Variants in RABEP1 observed in about 807,000 individuals in gnomAD.
RABEP1 encodes the protein rab GTPase-binding effector protein 1.
Under a neutral mutation model 123.4 loss-of-function variants are expected in RABEP1, and 51 were observed. The observed-to-expected ratio is 0.41, with a 90% CI of 0.33 to 0.52. RABEP1 has a LOEUF of 0.52. RABEP1 is among the 20% of genes least tolerant of loss of function. RABEP1 has a pLI of 0.16. For synonymous variants in RABEP1, 347 were observed against 355.2 expected, an observed-to-expected ratio of 0.98 and a Z score of 0.26; for missense variants, 888 against 996.3, an observed-to-expected ratio of 0.89 and a Z score of 1.46.
chr17:5,367,623 G>C (rs940087588), intron 11 of RABEP1, among the ~76,000 whole-genome samples: 1 of 150,664 alleles, frequency 6.6e-6, no homozygotes, highest in Non-Finnish European at 1.5e-5. Flanking sequence ...TGTATGACTT[G>C]GTGAAAAGAT....
At chr17:5,331,674 C>G (rs1423534184) in intron 2 of RABEP1, among the ~76,000 whole-genome samples, 3 of 152,050 alleles carry the variant, frequency 2.0e-5, no homozygotes, top group Non-Finnish European at 4.4e-5. Context: ...GATGTGGAAA[C>G]TTAGGCCAGA....
chr17:5,361,137 T>G, intron 8 of RABEP1, 71 bp from the exon 9 acceptor site: 1 of 1,313,446 alleles, frequency 7.6e-7, no homozygotes, highest in Non-Finnish European at 1.1e-6. Context: ...GCGGAATACA[T>G]TTATTATAGT....
At chr17:5,367,417 A>C (rs35166593) in intron 11 of RABEP1, among the ~76,000 whole-genome samples, 65 of 150,562 alleles carry the variant, frequency 4.3e-4, no homozygotes, top group South Asian at 8.4e-4. Context: ...GACTACAGGC[A>C]CCCGCCACCA....
intron 6 of RABEP1, among the ~76,000 whole-genome samples, chr17:5,347,610 C>G (rs887173857): frequency 1.3e-5 from 2 of 152,148 alleles, no homozygotes; most frequent in African/African-American, 2.4e-5. Flanking sequence ...AAGTAACACT[C>G]TGTTTTTAAG....
At chr17:5,291,906 A>G (rs763754203) in intron 1 of RABEP1, among the ~76,000 whole-genome samples, 2 of 152,226 alleles carry the variant, frequency 1.3e-5, no homozygotes, top group Non-Finnish European at 2.9e-5. Context: ...CTCTGTCTCA[A>G]AAGTGGTGAT....
chr17:5,303,356 C>T (rs1437141763), intron 1 of RABEP1, among the ~76,000 whole-genome samples: 2 of 152,122 alleles, frequency 1.3e-5, no homozygotes, highest in African/African-American at 4.8e-5. Flanking sequence ...AGTCTTGTGC[C>T]TCAGTCCCCC....
In RABEP1 at chr17:5,342,206, A is replaced by G. The variant is rs931482884; in HGVS notation, c.648+4068A>G. 3.9e-5 allele frequency among the ~76,000 whole-genome samples: 6 copies of G among 152,242 alleles called. No individual in the cohort carries two copies. The East Asian group carries it at 9.6e-4, about 24-fold the overall frequency. On this transcript the variant is annotated intron_variant, in intron 5 of 17. Coordinates refer to ENST00000537505, the MANE Select transcript of RABEP1 (RefSeq NM_004703.6). ...CAGTGGTGGAAAAAAGATTGATCCT[A>G]TTCACAAGAGTAAAAAAAAAGAAAA...
intron 5 of RABEP1, 76 bp downstream of exon 5, chr17:5,338,214 A>T (rs754622029): frequency 2.8e-6 from 4 of 1,448,810 alleles, no homozygotes; most frequent in Non-Finnish European, 2.8e-6. Context: ...TAGAATCAGT[A>T]ATAGGGAAAA....
chr17:5,321,021 C>T (rs1028371129), intron 2 of RABEP1, among the ~76,000 whole-genome samples: 21 of 152,194 alleles, frequency 1.4e-4, no homozygotes, highest in Middle Eastern at 3.2e-3. Flanking sequence ...TACAAGAAAC[C>T]CACTTTGGCT....
chr17:5,346,796 G>A lies in RABEP1; in HGVS notation c.655G>A (p.Glu219Lys), dbSNP rs372923791. Reference protein sequence around the residue: ...IKELEASKVKELNHYLEAEKS... With the variant: ...IKELEASKVKKLNHYLEAEKS... ...GAATTGCATCTTCTTTCAGGTTAAA[G>A]AACTGAATCATTATCTGGAAGCTGA... is the stretch of plus-strand genomic sequence containing the variant. Residue 219 changes from glutamate (E) to lysine (K), a missense_variant, in exon 6 of 18, where the codon GAA becomes AAA. Transcript: ENST00000537505. 1.8e-5 allele frequency: 28 copies of A among 1,568,830 alleles called. 1 individual carries two copies. Among genetic ancestry groups the A allele is most frequent in the African/African-American group, 1.8e-4 (13 of 73,926 alleles).
intron 13 of RABEP1, among the ~76,000 whole-genome samples, chr17:5,373,794 C>G (rs1211259366): frequency 1.3e-5 from 2 of 151,948 alleles, no homozygotes; most frequent in East Asian, 1.9e-4. Flanking sequence ...CTCCCCTAGC[C>G]TTAAGCAACT....
chr17:5,356,641 A>G (rs1341761480), intron 8 of RABEP1: 1 of 156,422 alleles, frequency 6.4e-6, no homozygotes, highest in Non-Finnish European at 1.4e-5. Context: ...ACATATGTTA[A>G]CATATTTCTT....
intron 15 of RABEP1, among the ~76,000 whole-genome samples, chr17:5,379,688 G>GT (rs1409830765): frequency 6.6e-6 from 1 of 152,184 alleles, no homozygotes; most frequent in African/African-American, 2.4e-5. Context: ...CTGGCTTATT[G>GT]TAACAGCCTA....
chr17:5,347,410 A>AAAAC (rs72095260), intron 6 of RABEP1, among the ~76,000 whole-genome samples: 1,862 of 150,330 alleles, frequency 0.012, 19 homozygotes, highest in Non-Finnish European at 0.018. Context: ...ACTTCATCTC[A>AAAAC]AAACAAACAA....
At chr17:5,304,252 G>T (rs1333789710) in intron 1 of RABEP1, among the ~76,000 whole-genome samples, 1 of 151,914 alleles carries the variant, frequency 6.6e-6, no homozygotes, top group Non-Finnish European at 1.5e-5. Context: ...GAGTGACATA[G>T]TCATTTTTCC....
intron 2 of RABEP1, among the ~76,000 whole-genome samples, chr17:5,330,808 A>G (rs1212720816): frequency 6.6e-6 from 1 of 152,080 alleles, no homozygotes; most frequent in Non-Finnish European, 1.5e-5. Flanking sequence ...GGATCATTTC[A>G]GCCCAGGAGG....
chr17:5,340,191 A>G (rs1567532612), intron 5 of RABEP1, among the ~76,000 whole-genome samples: 1 of 152,226 alleles, frequency 6.6e-6, no homozygotes, highest in South Asian at 2.1e-4. Context: ...CTCGGTATCC[A>G]AGAGTGAGAT....
At chr17:5,373,584 C>A in intron 13 of RABEP1, 130 bp downstream of exon 13, 2 of 1,086,474 alleles carry the variant, frequency 1.8e-6, no homozygotes, top group South Asian at 1.7e-5. Flanking sequence ...ATGTACCATT[C>A]AGTGGTTTTT....
chr17:5,357,705 T>C (rs1355075504), intron 8 of RABEP1, among the ~76,000 whole-genome samples: 1 of 151,986 alleles, frequency 6.6e-6, no homozygotes, highest in East Asian at 1.9e-4. Flanking sequence ...GGTGACTGAG[T>C]GATGACATAG....
Sources: allele counts gnomAD v4.1 joint callset (sites outside exome capture counted in the v4.1 genomes callset), GRCh38; gene constraint gnomAD v4.1.1; transcripts MANE v1.5; gene names NCBI Gene and HGNC (gene_info 2026-07-23, HGNC 2026-07-21).